CACNA2D1: variants seen among roughly 807,000 people sequenced by gnomAD.
CACNA2D1 encodes calcium voltage-gated channel auxiliary subunit alpha2delta 1.
A neutral mutation model predicts 171.5 loss-of-function variants in CACNA2D1; 53 were observed. That is an observed-to-expected ratio of 0.31 (90% CI 0.25 to 0.39). CACNA2D1 has a LOEUF of 0.39. Ranked by LOEUF, CACNA2D1 falls within the 10% of genes least tolerant of loss-of-function variation. CACNA2D1 has a pLI of 1.00. For missense variants in CACNA2D1, 903 were observed against 1,299.8 expected, an observed-to-expected ratio of 0.69 and a Z score of 4.69; for synonymous variants, 442 against 443.1, an observed-to-expected ratio of 1.00 and a Z score of 0.03.
intron 24 of CACNA2D1, among the ~76,000 whole-genome samples, chr7:81,980,691 A>C (rs981707862): frequency 6.6e-6 from 1 of 152,186 alleles, no homozygotes; most frequent in Non-Finnish European, 1.5e-5. Flanking sequence ...GTAAGAGGCA[A>C]ATGTAGTAGT....
rs571292235 is a variant in CACNA2D1 at position 82,111,891 on chromosome 7, T to C, written c.526+5153A>G. Among the ~76,000 whole-genome samples, 6 of 152,194 alleles carry C rather than the reference T, an allele frequency of 3.9e-5. No individual in the cohort carries two copies. In the South Asian group the frequency reaches 1.2e-3, roughly 32 times the overall value. ...AACAAATGTGATTTACTTTCTAACA[T>C]ATTGTTTTTTAAACTAATCCATCAA... On this transcript the variant is annotated intron_variant, in intron 6 of 38. Transcript: ENST00000356860.
chr7:82,277,937 G>T (rs1447034206), intron 3 of CACNA2D1, among the ~76,000 whole-genome samples: 1 of 151,332 alleles, frequency 6.6e-6, no homozygotes, highest in Non-Finnish European at 1.5e-5. Context: ...GTACAGAGAG[G>T]GTTTCACCAT....
chr7:82,014,507 T>A (rs1203696150), intron 12 of CACNA2D1, 28 bp from the exon 13 acceptor site: 1 of 1,195,432 alleles, frequency 8.4e-7, no homozygotes, highest in Non-Finnish European at 1.3e-6. Flanking sequence ...TAGGTATTCA[T>A]TAGGCTGAAT....
At position 82,443,616 on chromosome 7, in the gene CACNA2D1, G is replaced by A. The variant is rs79572976; in HGVS notation, c.-157C>T. 2 of 1,358,512 alleles carry A rather than the reference G, an allele frequency of 1.5e-6. No individual in the cohort carries two copies. Among genetic ancestry groups the A allele is most frequent in the South Asian group, 1.9e-5 (1 of 53,652 alleles). 84.2% of individuals were successfully genotyped at this position (1,358,512 alleles called of 1,614,324 possible). On this transcript the variant is annotated 5_prime_UTR_variant, in exon 1 of 39. Transcript: ENST00000356860. ...GCCCGAGGCGCGGAGCCGCGCGGGG[G>A]ACGGCAAGGGCGGGAGCGGACGCCG...
chr7:82,297,955 G>C (rs1812504621), intron 3 of CACNA2D1, among the ~76,000 whole-genome samples: 2 of 152,014 alleles, frequency 1.3e-5, no homozygotes, highest in South Asian at 2.1e-4. Context: ...GAATCAAGTA[G>C]AGTAAAATTG....
chr7:82,154,598 TA>T, intron 4 of CACNA2D1, among the ~76,000 whole-genome samples: 1 of 152,086 alleles, frequency 6.6e-6, no homozygotes, highest in Admixed American at 6.5e-5. Flanking sequence ...AGCTTAAATT[TA>T]AAAAAAGATA....
chr7:82,091,056 C>G lies in CACNA2D1; in HGVS notation c.527-6156G>C, dbSNP rs114293111. ...AAAGAAAGATGTTAATAAGAAGAAA[C>G]CTACTGATCTAATTAAGTGCACAGG... On this transcript the variant is annotated intron_variant, in intron 6 of 38. Transcript: ENST00000356860. Among the ~76,000 whole-genome samples, 502 of 152,146 alleles carry G rather than the reference C, an allele frequency of 3.3e-3. 2 individuals are homozygous for G. Among genetic ancestry groups the G allele is most frequent in the African/African-American group, 0.012 (490 of 41,514 alleles).
chr7:82,354,106 A>C (rs1820157283), intron 1 of CACNA2D1, among the ~76,000 whole-genome samples: 1 of 152,132 alleles, frequency 6.6e-6, no homozygotes, highest in Non-Finnish European at 1.5e-5. Flanking sequence ...GAGTCCAAGA[A>C]GTACTGAATA....
At chr7:82,427,129 C>A (rs537830651) in intron 1 of CACNA2D1, among the ~76,000 whole-genome samples, 5 of 152,278 alleles carry the variant, frequency 3.3e-5, no homozygotes, top group Admixed American at 1.3e-4. Flanking sequence ...GGGAACTTAT[C>A]TGTACTTGAT....
chr7:82,110,784 A>T (rs1266050664), intron 6 of CACNA2D1, among the ~76,000 whole-genome samples: 1 of 152,218 alleles, frequency 6.6e-6, no homozygotes, highest in Non-Finnish European at 1.5e-5. Context: ...AAATTGCCTT[A>T]GCCACAAGGC....
intron 3 of CACNA2D1, among the ~76,000 whole-genome samples, chr7:82,188,051 C>T (rs1486178454): frequency 6.6e-6 from 1 of 152,128 alleles, no homozygotes; most frequent in Non-Finnish European, 1.5e-5. Flanking sequence ...CCTCAGATGA[C>T]AGAATTGGTG....
chr7:82,066,308 C>A, intron 8 of CACNA2D1, 147 bp downstream of exon 8: 1 of 1,086,020 alleles, frequency 9.2e-7, no homozygotes, highest in Non-Finnish European at 1.3e-6. Flanking sequence ...TTTCATTTAC[C>A]TTTACCTATA....
chr7:82,389,165 T>TACAC (rs762423418), intron 1 of CACNA2D1, among the ~76,000 whole-genome samples: 34 of 146,492 alleles, frequency 2.3e-4, no homozygotes, highest in East Asian at 8.0e-4. Flanking sequence ...TATATATATA[T>TACAC]ACACACACAC....
rs149223576 is a variant in CACNA2D1 at position 82,356,021 on chromosome 7, G to A, written c.96-6372C>T. Reference sequence around the variant, plus strand: ...GAAAATCATCTCCCCAGTCATCAGGGTCCATACCATCTTATCCCTCCTCCA... The same window carrying A: ...GAAAATCATCTCCCCAGTCATCAGGATCCATACCATCTTATCCCTCCTCCA... On this transcript the variant is annotated intron_variant, in intron 1 of 38. Coordinates refer to ENST00000356860, the MANE Select transcript of CACNA2D1 (RefSeq NM_000722.4). Among the ~76,000 whole-genome samples, 28 of 151,976 alleles carry A rather than the reference G, an allele frequency of 1.8e-4. No homozygotes were observed. In the East Asian group the frequency reaches 2.1e-3, roughly 12 times the overall value.
At chr7:81,975,027 T>TAAAAA (rs59316260) in intron 24 of CACNA2D1, among the ~76,000 whole-genome samples, 4 of 148,688 alleles carry the variant, frequency 2.7e-5, no homozygotes, top group Non-Finnish European at 1.5e-5. Context: ...GAACTTAAAA[T>TAAAAA]AAAAAAAAAA....
intron 1 of CACNA2D1, among the ~76,000 whole-genome samples, chr7:82,363,915 T>C (rs1190552513): frequency 6.6e-6 from 1 of 152,000 alleles, no homozygotes; most frequent in Admixed American, 6.6e-5. Context: ...ACCAAACAAG[T>C]AGCCCAAAGG....
At chr7:82,282,361 A>C (rs1172163767) in intron 3 of CACNA2D1, among the ~76,000 whole-genome samples, 1 of 152,200 alleles carries the variant, frequency 6.6e-6, no homozygotes, top group African/African-American at 2.4e-5. Context: ...GGATCCACCG[A>C]GTGATCTAGG....
chr7:82,214,378 C>T (rs569043126), intron 3 of CACNA2D1, among the ~76,000 whole-genome samples: 3 of 151,948 alleles, frequency 2.0e-5, no homozygotes, highest in South Asian at 4.2e-4. Context: ...GTATTGTACC[C>T]TCTCATTAAC....
At chr7:82,094,918 A>C (rs1454621445) in intron 6 of CACNA2D1, among the ~76,000 whole-genome samples, 3 of 151,778 alleles carry the variant, frequency 2.0e-5, no homozygotes, top group Non-Finnish European at 4.4e-5. Context: ...CTCTAATTCC[A>C]GCTCACTTCC....
Sources: gnomAD v4.1 joint callset for allele counts (sites outside exome capture counted in the v4.1 genomes callset) on GRCh38, gnomAD v4.1.1 for gene constraint, MANE v1.5 for transcripts, NCBI Gene and HGNC (gene_info 2026-07-23, HGNC 2026-07-21) for gene names.